The following SEZ6L variants were observed in gnomAD, a reference collection of about 807,000 sequenced individuals.
SEZ6L encodes the protein seizure related 6 homolog like.
Under a neutral mutation model 106.2 loss-of-function variants are expected in SEZ6L, and 37 were observed. The ratio of observed to expected loss-of-function variants is 0.35; its 90% CI spans 0.27 to 0.46. The LOEUF is 0.46. Ranked by LOEUF, SEZ6L falls within the 20% of genes least tolerant of loss-of-function variation. SEZ6L has a pLI of 1.00. For synonymous variants in SEZ6L, 541 were observed against 570.4 expected (o/e 0.95, Z 0.73); for missense variants, 1,172 against 1,332.8 (o/e 0.88, Z 1.88).
At chr22:26,357,752 A>C (rs1215453532) in intron 12 of SEZ6L, among the ~76,000 whole-genome samples, 1 of 152,180 alleles carries the variant, frequency 6.6e-6, no homozygotes, top group African/African-American at 2.4e-5. Context: ...TGTCGTTGAT[A>C]TTGTTAGCAA....
At chr22:26,284,201 A>T (rs2080858500) in intron 1 of SEZ6L, among the ~76,000 whole-genome samples, 2 of 152,262 alleles carry the variant, frequency 1.3e-5, no homozygotes, top group African/African-American at 2.4e-5. Context: ...CAGTGAGCTA[A>T]GTCCAGAACA....
intron 12 of SEZ6L, among the ~76,000 whole-genome samples, chr22:26,360,905 AC>A (rs2083597512): frequency 6.6e-6 from 1 of 152,088 alleles, no homozygotes; most frequent in Admixed American, 6.5e-5. Context: ...AAAAACAAAA[AC>A]AAAAACAAAA....
intron 9 of SEZ6L, among the ~76,000 whole-genome samples, 193 bp downstream of exon 9, chr22:26,314,095 C>G (rs614238): frequency 0.27 from 36,970 of 135,860 alleles, 5,010 homozygotes; most frequent in African/African-American, 0.34. Flanking sequence ...CACACACACA[C>G]AGAGAGAGAG....
chr22:26,376,558 G>A (rs575994804), intron 15 of SEZ6L, among the ~76,000 whole-genome samples: 50 of 152,132 alleles, frequency 3.3e-4, no homozygotes, highest in African/African-American at 1.0e-3. Flanking sequence ...CCTGGCCAAC[G>A]TGGTGGAACC....
intron 1 of SEZ6L, among the ~76,000 whole-genome samples, chr22:26,232,611 T>G: frequency 6.6e-6 from 1 of 152,222 alleles, no homozygotes; most frequent in Non-Finnish European, 1.5e-5. Flanking sequence ...ACCATTGCAT[T>G]ACAACTGCCA....
At chr22:26,203,173 T>G (rs1260425654) in intron 1 of SEZ6L, among the ~76,000 whole-genome samples, 1 of 152,196 alleles carries the variant, frequency 6.6e-6, no homozygotes. Flanking sequence ...CCTAGAACAC[T>G]GTGGAGTACA....
chr22:26,368,729 G>A (rs1327554166), intron 13 of SEZ6L, among the ~76,000 whole-genome samples: 1 of 136,282 alleles, frequency 7.3e-6, no homozygotes, highest in Non-Finnish European at 1.6e-5. Context: ...TTTATGTTAT[G>A]TGAATTTTAT....
At chr22:26,298,848 A>T (rs1045606247) in intron 4 of SEZ6L, 136 bp from the exon 5 acceptor site, 2 of 687,858 alleles carry the variant, frequency 2.9e-6, no homozygotes, top group Admixed American at 4.1e-5. Flanking sequence ...TCACAAAAAT[A>T]CCATTCTCCA....
intron 12 of SEZ6L, among the ~76,000 whole-genome samples, chr22:26,353,672 A>G (rs1296187818): frequency 6.6e-6 from 1 of 152,236 alleles, no homozygotes; most frequent in Non-Finnish European, 1.5e-5. Flanking sequence ...GATTGGACAT[A>G]GCGTCTTCGC....
At chr22:26,190,311 A>G (rs1274297301) in intron 1 of SEZ6L, among the ~76,000 whole-genome samples, 1 of 152,174 alleles carries the variant, frequency 6.6e-6, no homozygotes, top group Non-Finnish European at 1.5e-5. Flanking sequence ...CAATTTTCCC[A>G]GGGATTAACT....
At chr22:26,286,590 T>C (rs543624563) in intron 1 of SEZ6L, among the ~76,000 whole-genome samples, 2 of 152,320 alleles carry the variant, frequency 1.3e-5, no homozygotes, top group Non-Finnish European at 1.5e-5. Flanking sequence ...CTGAACATTA[T>C]AGCAGTAGCA....
chr22:26,230,672 T>A (rs2078771329), intron 1 of SEZ6L, among the ~76,000 whole-genome samples: 1 of 152,140 alleles, frequency 6.6e-6, no homozygotes, highest in African/African-American at 2.4e-5. Context: ...AGTGGCCAGA[T>A]GAGGCTTCAG....
intron 15 of SEZ6L, 45 bp from the exon 16 acceptor site, chr22:26,377,628 T>C: frequency 6.8e-7 from 1 of 1,475,706 alleles, no homozygotes. Context: ...GTAATGTTTC[T>C]CCTAGCTGGG....
intron 1 of SEZ6L, among the ~76,000 whole-genome samples, chr22:26,171,479 C>T (rs1003962271): frequency 6.6e-6 from 1 of 151,776 alleles, no homozygotes; most frequent in African/African-American, 2.4e-5. Flanking sequence ...CCTCTGAGAA[C>T]TCCACTCTCC....
chr22:26,264,853 A>C (rs2080125553), intron 1 of SEZ6L, among the ~76,000 whole-genome samples: 1 of 152,196 alleles, frequency 6.6e-6, no homozygotes, highest in African/African-American at 2.4e-5. Context: ...TGGGATGTGA[A>C]GTTTGGAGTT....
chr22:26,204,430 A>G (rs1043918465), intron 1 of SEZ6L, among the ~76,000 whole-genome samples: 2 of 152,266 alleles, frequency 1.3e-5, no homozygotes, highest in Non-Finnish European at 2.9e-5. Flanking sequence ...AGCTCAATAT[A>G]TAATCAAATT....
intron 1 of SEZ6L, among the ~76,000 whole-genome samples, chr22:26,290,669 G>A (rs957892633): frequency 1.3e-5 from 2 of 152,194 alleles, no homozygotes; most frequent in Non-Finnish European, 2.9e-5. Context: ...AGTGAGATCC[G>A]TCTCAAGAAA....
chr22:26,230,312 A>G lies in SEZ6L; in HGVS notation c.94+60549A>G, dbSNP rs544319150. Among the ~76,000 whole-genome samples the G allele has an allele frequency of 2.1e-4, 28 of 136,356 alleles. No individual in the cohort carries two copies. The South Asian group carries it at 5.9e-3, about 29-fold the overall frequency. The allele number at this position is 136,356 out of a possible 152,430, so 89.5% of individuals were successfully genotyped here. On this transcript the variant is annotated intron_variant, in intron 1 of 16. Coordinates refer to ENST00000248933, the MANE Select transcript of SEZ6L (RefSeq NM_021115.5). ...ACCATTTGAGAGTTACTCCTTAACC[A>G]TAAAGGTAAAAAAAAAAACAAGAAG...
At chr22:26,193,609 A>G (rs997839054) in intron 1 of SEZ6L, among the ~76,000 whole-genome samples, 7 of 152,174 alleles carry the variant, frequency 4.6e-5, no homozygotes, top group Non-Finnish European at 8.8e-5. Context: ...TCCTCATCCC[A>G]CTGCACCAAG....
Sources: gnomAD v4.1 joint callset for allele counts (sites outside exome capture counted in the v4.1 genomes callset) on GRCh38, gnomAD v4.1.1 for gene constraint, MANE v1.5 for transcripts, NCBI Gene and HGNC (gene_info 2026-07-23, HGNC 2026-07-21) for gene names.